Variants in ALK observed in about 807,000 individuals in gnomAD.
The protein encoded by ALK is ALK tyrosine kinase receptor.
A neutral mutation model predicts 163.1 loss-of-function variants in ALK; 74 were observed. The observed-to-expected ratio is 0.45, with a 90% confidence interval of 0.38 to 0.55. ALK has a LOEUF of 0.55. Among genes scored for constraint, ALK ranks in the 20% least tolerant of loss-of-function variants. ALK has a pLI of 0.00. For missense variants in ALK, 2,063 were observed against 2,105.3 expected (o/e 0.98, Z 0.39); for synonymous variants, 960 against 843.2 (o/e 1.14, Z -2.40).
At chr2:29,198,713 T>G (rs1669084816) in intron 26 of ALK, among the ~76,000 whole-genome samples, 1 of 152,228 alleles carries the variant, frequency 6.6e-6, no homozygotes, top group African/African-American at 2.4e-5. Flanking sequence ...CAACTTTTGC[T>G]GATTTTAAGG....
intron 4 of ALK, among the ~76,000 whole-genome samples, chr2:29,530,162 G>C (rs910356682): frequency 6.9e-6 from 1 of 144,774 alleles, no homozygotes; most frequent in Non-Finnish European, 1.5e-5. Flanking sequence ...CTCCTGGAAA[G>C]AGTCCAGTTT....
chr2:29,607,047 G>A (rs1156802106), intron 3 of ALK, among the ~76,000 whole-genome samples: 1 of 152,188 alleles, frequency 6.6e-6, no homozygotes, highest in Non-Finnish European at 1.5e-5. Context: ...AGAGCATGGG[G>A]AGCACAGGCA....
chr2:29,463,722 G>C (rs1021987161), intron 4 of ALK, among the ~76,000 whole-genome samples: 1 of 152,222 alleles, frequency 6.6e-6, no homozygotes, highest in Non-Finnish European at 1.5e-5. Context: ...GTAGGGGAGA[G>C]AGAGAATATG....
At position 29,480,086 on chromosome 2, in the gene ALK, A is replaced by G. The variant is rs78857424; in HGVS notation, c.1154+51829T>C. On this transcript the variant is annotated intron_variant, in intron 4 of 28. Transcript: ENST00000389048. Reference sequence around the variant, plus strand: ...ATATTTCAGCACAGAAAAATCCCCAAAACATAATGTGGAGTGAAAAACACA... The same window carrying G: ...ATATTTCAGCACAGAAAAATCCCCAGAACATAATGTGGAGTGAAAAACACA... 8.9e-3 allele frequency among the ~76,000 whole-genome samples: 1,361 copies of G among 152,340 alleles called. 19 individuals carry two copies. Among genetic ancestry groups the G allele is most frequent in the African/African-American group, 0.03 (1,249 of 41,574 alleles).
chr2:29,565,622 T>C (rs1439377251), intron 3 of ALK, among the ~76,000 whole-genome samples: 1 of 152,156 alleles, frequency 6.6e-6, no homozygotes, highest in Non-Finnish European at 1.5e-5. Context: ...CCTGAGGTAG[T>C]GGCCAAGCTC....
At chr2:29,887,096 C>A (rs1667004008) in intron 1 of ALK, among the ~76,000 whole-genome samples, 1 of 152,122 alleles carries the variant, frequency 6.6e-6, no homozygotes, top group Non-Finnish European at 1.5e-5. Flanking sequence ...ACAAACTATC[C>A]CCAAAATTTA....
Position 29,220,393 on chromosome 2 carries a change from A to G in ALK, c.3645+313T>C, listed in dbSNP as rs201154444. Among the ~76,000 whole-genome samples the G allele has an allele frequency of 5.9e-5, 9 of 152,318 alleles. No homozygotes were observed. In the East Asian group the frequency reaches 1.7e-3, roughly 29 times the overall value. On this transcript the variant is annotated intron_variant, in intron 23 of 28. Coordinates refer to ENST00000389048, the MANE Select transcript of ALK (RefSeq NM_004304.5). Reference sequence around the variant, plus strand: ...TGCTTCCTGTACAGCCTGCAGAACTATGAGCCACTTAAATCTCTTTTCTTT... The same window carrying G: ...TGCTTCCTGTACAGCCTGCAGAACTGTGAGCCACTTAAATCTCTTTTCTTT...
chr2:29,761,137 G>A (rs796324935), intron 1 of ALK, among the ~76,000 whole-genome samples: 6 of 152,352 alleles, frequency 3.9e-5, no homozygotes, highest in African/African-American at 1.4e-4. Context: ...CGTGGCCTTA[G>A]TAGCCCCCTA....
chr2:29,581,732 C>A (rs1674697546), intron 3 of ALK, among the ~76,000 whole-genome samples: 1 of 152,152 alleles, frequency 6.6e-6, no homozygotes, highest in Non-Finnish European at 1.5e-5. Flanking sequence ...GACCTCAGCC[C>A]TCTGGATCCC....
chr2:29,579,203 G>A (rs980998048), intron 3 of ALK, among the ~76,000 whole-genome samples: 3 of 152,208 alleles, frequency 2.0e-5, no homozygotes, highest in Non-Finnish European at 2.9e-5. Context: ...AATTTGCCGT[G>A]TGACCTTGTG....
In ALK at chr2:29,235,856, CTTTTTTTTTTTTTTTTTT is replaced by C. The variant is rs569363324; in HGVS notation, c.2356-2178_2356-2161del. On this transcript the variant is annotated intron_variant, in intron 13 of 28. Transcript: ENST00000389048. Reference sequence around the variant, plus strand: ...TACAGGCACAAGCTACCAGGCTCGACTTTTTTTTTTTTTTTTTTTTTTTTTTTTTTTTTAAGAAACAGG... The same window carrying C: ...TACAGGCACAAGCTACCAGGCTCGACTTTTTTTTTTTTTTTAAGAAACAGG... Among the ~76,000 whole-genome samples, 66 of 38,296 alleles carry C rather than the reference CTTTTTTTTTTTTTTTTTT, an allele frequency of 1.7e-3. 1 individual carries two copies. Among genetic ancestry groups the C allele is most frequent in the African/African-American group, 4.4e-3 (52 of 11,738 alleles). The allele number at this position is 38,296 out of a possible 152,430, so 25.1% of individuals were successfully genotyped here. A position where few individuals can be genotyped will look rare whatever the true frequency, so the allele number is the denominator to read the frequency against.
At chr2:29,817,479 T>TC (rs1664931524) in intron 1 of ALK, among the ~76,000 whole-genome samples, 1 of 152,314 alleles carries the variant, frequency 6.6e-6, no homozygotes, top group Admixed American at 6.5e-5. Flanking sequence ...CACTTGTCTG[T>TC]CCAGCCAACC....
chr2:29,769,230 G>T (rs773835844), intron 1 of ALK, among the ~76,000 whole-genome samples: 4 of 152,078 alleles, frequency 2.6e-5, no homozygotes, highest in Non-Finnish European at 4.4e-5. Context: ...ATTAAAGAAG[G>T]CAAAGAAGTA....
chr2:29,648,322 T>C (rs573641774), intron 3 of ALK, among the ~76,000 whole-genome samples: 1 of 152,304 alleles, frequency 6.6e-6, no homozygotes, highest in Non-Finnish European at 1.5e-5. Flanking sequence ...CACTTTCTTT[T>C]TTTAAAAAAT....
chr2:29,769,314 C>T (rs183103457), intron 1 of ALK, among the ~76,000 whole-genome samples: 104 of 152,280 alleles, frequency 6.8e-4, no homozygotes, highest in Middle Eastern at 3.4e-3. Flanking sequence ...TGTAGAATGA[C>T]GTGTCTCTTC....
intron 12 of ALK, 113 bp downstream of exon 12, chr2:29,250,992 G>A: frequency 9.1e-7 from 1 of 1,101,664 alleles, no homozygotes; most frequent in South Asian, 1.6e-5. Context: ...TGAGTCTGTT[G>A]CCTTTGAACC....
At chr2:29,327,806 C>A (rs1178441657) in intron 6 of ALK, among the ~76,000 whole-genome samples, 2 of 152,168 alleles carry the variant, frequency 1.3e-5, no homozygotes, top group Non-Finnish European at 2.9e-5. Context: ...GGAGAAGAAC[C>A]AGTGGTACTT....
chr2:29,740,073 T>C (rs1426786307), intron 1 of ALK, among the ~76,000 whole-genome samples: 1 of 152,134 alleles, frequency 6.6e-6, no homozygotes, highest in African/African-American at 2.4e-5. Context: ...TACATACTCA[T>C]TCCCTAGTTT....
chr2:29,769,086 G>A (rs543788886), intron 1 of ALK, among the ~76,000 whole-genome samples: 10 of 152,158 alleles, frequency 6.6e-5, no homozygotes, highest in Middle Eastern at 3.4e-3. Context: ...CACCCACCTC[G>A]TCCTCCCAAA....
Sources: allele counts gnomAD v4.1 joint callset (sites outside exome capture counted in the v4.1 genomes callset), GRCh38; gene constraint gnomAD v4.1.1; transcripts MANE v1.5; gene names NCBI Gene and HGNC (gene_info 2026-07-23, HGNC 2026-07-21).